Variants in PPFIBP1 observed in about 807,000 individuals in gnomAD.
PPFIBP1 encodes the protein PPFIB scaffold protein 1, also known as liprin-beta-1.
A neutral mutation model predicts 137.8 loss-of-function variants in PPFIBP1; 112 were observed. That is an observed-to-expected ratio of 0.81 (90% CI 0.70 to 0.95). The LOEUF (loss-of-function observed/expected upper bound fraction) is 0.95. Among genes scored for constraint, PPFIBP1 ranks in the 40% least tolerant of loss-of-function variants. The pLI, the probability that PPFIBP1 is intolerant of heterozygous loss-of-function variation, is 0.00. For missense variants in PPFIBP1, 1,083 were observed against 1,196.6 expected (o/e 0.91, Z 1.40); for synonymous variants, 378 against 417.3 (o/e 0.91, Z 1.15).
chr12:27,647,087 C>T lies in PPFIBP1; in HGVS notation c.358-642C>T, dbSNP rs191372174. On this transcript the variant is annotated intron_variant, in intron 5 of 29. Coordinates refer to ENST00000228425, the MANE Select transcript of PPFIBP1 (RefSeq NM_003622.4). ...CACAATCTTGGCTCACTGCAACCTC[C>T]ACCTCCCGGATCCAAGCGATTCTCC... 2.6e-5 allele frequency among the ~76,000 whole-genome samples: 4 copies of T among 152,288 alleles called. No individual in the cohort carries two copies. The East Asian group carries it at 7.7e-4, about 29-fold the overall frequency.
chr12:27,624,276 C>T (rs189888442), intron 2 of PPFIBP1, among the ~76,000 whole-genome samples: 1 of 152,196 alleles, frequency 6.6e-6, no homozygotes, highest in Non-Finnish European at 1.5e-5. Flanking sequence ...TCAAATCTCA[C>T]TTATTCAGTG....
At chr12:27,531,675 C>T (rs1206811573) in intron 1 of PPFIBP1, among the ~76,000 whole-genome samples, 1 of 151,796 alleles carries the variant, frequency 6.6e-6, no homozygotes, top group Non-Finnish European at 1.5e-5. Flanking sequence ...GGCACTGTTA[C>T]CAAAGGGAAG....
intron 2 of PPFIBP1, among the ~76,000 whole-genome samples, chr12:27,612,299 C>G (rs1364446154): frequency 7.1e-6 from 1 of 141,624 alleles, no homozygotes; most frequent in Non-Finnish European, 1.5e-5. Flanking sequence ...ATCAGTCATA[C>G]TTGTATGCTC....
chr12:27,644,876 GA>G (rs1181341460), intron 4 of PPFIBP1, among the ~76,000 whole-genome samples: 1 of 150,560 alleles, frequency 6.6e-6, no homozygotes, highest in Non-Finnish European at 1.5e-5. Flanking sequence ...AAAGTTTTTA[GA>G]AAAAACATTC....
chr12:27,537,141 T>C (rs575687556), intron 1 of PPFIBP1, among the ~76,000 whole-genome samples: 5 of 151,178 alleles, frequency 3.3e-5, no homozygotes, highest in Admixed American at 2.6e-4. Context: ...CTCTCTCTCT[T>C]TTTTTTTTGA....
intron 1 of PPFIBP1, among the ~76,000 whole-genome samples, chr12:27,563,739 A>G (rs977798531): frequency 1.3e-5 from 2 of 152,100 alleles, no homozygotes; most frequent in African/African-American, 4.8e-5. Context: ...GCTGTCAGTC[A>G]GAGTTATTCC....
intron 6 of PPFIBP1, 46 bp downstream of exon 6, chr12:27,647,888 A>C (rs1337104700): frequency 1.0e-5 from 16 of 1,571,304 alleles, no homozygotes; most frequent in Non-Finnish European, 1.2e-5. Flanking sequence ...CTGCTGAACT[A>C]TGTGAGATGC....
In PPFIBP1 at chr12:27,559,924, C is replaced by G. The variant is rs1218554097; in HGVS notation, c.-123-18228C>G. Among the ~76,000 whole-genome samples, 3 of 152,182 alleles carry G rather than the reference C, an allele frequency of 2.0e-5. No individual in the cohort carries two copies. The East Asian group carries it at 5.8e-4, about 29-fold the overall frequency. ...GGAGATGCTGAAGCTGTTTCTTTCT[C>G]CCCTCAGAAACAAAACACTGTAATT... On this transcript the variant is annotated intron_variant, in intron 1 of 29. Coordinates refer to ENST00000228425, the MANE Select transcript of PPFIBP1 (RefSeq NM_003622.4).
intron 19 of PPFIBP1, chr12:27,677,400 G>C (rs1387633919): frequency 6.6e-5 from 29 of 437,208 alleles, no homozygotes; most frequent in Non-Finnish European, 1.2e-4. Flanking sequence ...GTACATTGCA[G>C]CTCTTTCAGC....
chr12:27,683,356 C>A (rs113746600), intron 24 of PPFIBP1, among the ~76,000 whole-genome samples: 1 of 152,186 alleles, frequency 6.6e-6, no homozygotes, highest in Non-Finnish European at 1.5e-5. Flanking sequence ...TGAGTCAACA[C>A]GCCCAGCCTA....
intron 1 of PPFIBP1, among the ~76,000 whole-genome samples, chr12:27,560,656 A>G (rs969957407): frequency 6.6e-6 from 1 of 152,206 alleles, no homozygotes; most frequent in Non-Finnish European, 1.5e-5. Context: ...CAGCCATACG[A>G]GTTGAGTATT....
intron 2 of PPFIBP1, among the ~76,000 whole-genome samples, chr12:27,623,805 G>A (rs2138654649): frequency 6.6e-6 from 1 of 152,238 alleles, no homozygotes; most frequent in Non-Finnish European, 1.5e-5. Flanking sequence ...GCCAAAACAG[G>A]GCATATGGGA....
chr12:27,578,806 C>T (rs552782467), intron 2 of PPFIBP1, among the ~76,000 whole-genome samples: 8 of 152,260 alleles, frequency 5.3e-5, no homozygotes, highest in Non-Finnish European at 7.4e-5. Flanking sequence ...GAATGCTTGC[C>T]GTGTACCAGG....
In PPFIBP1 at chr12:27,541,786, T is replaced by C. The variant is rs1400083591; in HGVS notation, c.-124+17421T>C. Among the ~76,000 whole-genome samples the C allele has an allele frequency of 2.0e-5, 3 of 152,222 alleles. No individual in the cohort carries two copies. The South Asian group carries it at 6.2e-4, about 32-fold the overall frequency. On this transcript the variant is annotated intron_variant, in intron 1 of 29. Transcript: ENST00000228425. ...AGCTTAAATACTGTTTCCATCTCCA[T>C]TAATTTGGAGGAAACCACCACTCAA...
At position 27,676,546 on chromosome 12, in the gene PPFIBP1, G is replaced by A. The variant is rs376591163; in HGVS notation, c.1529G>A (p.Arg510Gln). ...GTRKVRSSFGRGFFKIKSNKR... is the reference protein window; with the variant it reads ...GTRKVRSSFGQGFFKIKSNKR... ...CGAAAAGTCAGATCTTCCTTTGGCC[G>A]GGGCTTTTTTAAAATCAAAAGTAAC... The change falls in exon 18 of 30, where the codon CGG (arginine) becomes CAG (glutamine). Residue 510 changes from arginine to glutamine, a missense_variant. Arg to Gln is a conservative substitution (Grantham distance 43). Transcript: ENST00000228425. The A allele has an allele frequency of 8.7e-6, 14 of 1,606,542 alleles. No homozygotes were observed. Among genetic ancestry groups the A allele is most frequent in the African/African-American group, 4.0e-5 (3 of 74,576 alleles).
intron 2 of PPFIBP1, among the ~76,000 whole-genome samples, chr12:27,617,203 C>G (rs1026973143): frequency 6.6e-6 from 1 of 152,162 alleles, no homozygotes; most frequent in Admixed American, 6.5e-5. Flanking sequence ...TGTTCCGCAG[C>G]CTTGTTTTTA....
In PPFIBP1 at chr12:27,635,077, A is replaced by T. The variant is rs1242734332; in HGVS notation, c.232A>T (p.Thr78Ser). 5.0e-6 allele frequency: 8 copies of T among 1,614,214 alleles called. No individual in the cohort carries two copies. The highest frequency in any genetic ancestry group is 5.9e-6 in the Non-Finnish European group (7 of 1,180,010). The change falls in exon 4 of 30, where the codon ACA becomes TCA. Residue 78 changes from threonine to serine, a missense_variant. Physicochemically the swap from Thr to Ser is moderately conservative, Grantham distance 58. Coordinates refer to ENST00000228425, the MANE Select transcript of PPFIBP1 (RefSeq NM_003622.4). ...CTTGAGATGCCAGATCCCAGATTCA[A>T]CAGCAGAAACGCTTGTTGAATGGCT... ...EGLRCQIPDS[T>S]AETLVEWLQS...
chr12:27,592,614 G>A, intron 2 of PPFIBP1: 1 of 1,595,380 alleles, frequency 6.3e-7, no homozygotes, highest in Non-Finnish European at 8.6e-7. Flanking sequence ...GCCTCAGCCA[G>A]CTGAAGGCCC....
intron 12 of PPFIBP1, among the ~76,000 whole-genome samples, chr12:27,665,370 G>A (rs2059799351): frequency 6.6e-6 from 1 of 152,124 alleles, no homozygotes; most frequent in Non-Finnish European, 1.5e-5. Context: ...TAGAGGAGGA[G>A]AGTGAAGAAG....
Sources: allele counts gnomAD v4.1 joint callset (sites outside exome capture counted in the v4.1 genomes callset), GRCh38; gene constraint gnomAD v4.1.1; transcripts MANE v1.5; gene names NCBI Gene and HGNC (gene_info 2026-07-23, HGNC 2026-07-21).